FOXR1: variants seen among roughly 807,000 people sequenced by gnomAD.
FOXR1 encodes forkhead box R1, also known as forkhead box protein R1.
FOXR1 carries 25 observed loss-of-function variants against 34.5 expected under a neutral mutation model. The ratio of observed to expected loss-of-function variants is 0.72; its 90% CI spans 0.53 to 1.01. FOXR1 has a LOEUF of 1.01. Among genes scored for constraint, FOXR1 ranks in the 50% least tolerant of loss-of-function variants. The probability of loss-of-function intolerance (pLI) is 0.00; values close to 1 mark genes in which losing one functional copy is unlikely to be tolerated. For synonymous variants in FOXR1, 153 were observed against 141.6 expected (o/e 1.08, Z -0.57); for missense variants, 373 against 376.2 (o/e 0.99, Z 0.07).
chr11:118,972,139 C>CG (rs1295660295), intron 1 of FOXR1, 147 bp downstream of exon 1: 4 of 705,224 alleles, frequency 5.7e-6, no homozygotes, highest in South Asian at 1.9e-5. Context: ...GCCCCCCCCC[C>CG]CCGACGGCTT....
chr11:118,974,423 T>C lies in FOXR1; in HGVS notation c.61+2431T>C, dbSNP rs150060098. Reference sequence around the variant, plus strand: ...TCTCCCTATGTTGCCCAGGCTGGTCTTGAACTCCTGGACTCGAGCAATCCT... The same window carrying C: ...TCTCCCTATGTTGCCCAGGCTGGTCCTGAACTCCTGGACTCGAGCAATCCT... On this transcript the variant is annotated intron_variant, in intron 1 of 5. Transcript: ENST00000317011. Among the ~76,000 whole-genome samples the C allele has an allele frequency of 5.1e-4, 77 of 152,302 alleles. 1 individual carries two copies. The highest frequency in any genetic ancestry group is 4.3e-4 in the Non-Finnish European group (29 of 68,026).
Position 118,978,860 on chromosome 11 carries a change from C to G in FOXR1, c.136+4C>G. On this transcript the variant is annotated splice_donor_region_variant and intron_variant, in intron 2 of 5. Coordinates refer to ENST00000317011, the MANE Select transcript of FOXR1 (RefSeq NM_181721.3). ...AAACCCAACCCTGATAAGGATGGTACGTATTGAGTTCTCTGACCTGTTTCT... is the reference window on the plus strand; with the variant it reads ...AAACCCAACCCTGATAAGGATGGTAGGTATTGAGTTCTCTGACCTGTTTCT... 1 of 1,614,190 alleles carries G rather than the reference C, an allele frequency of 6.2e-7. No individual in the cohort carries two copies. Among genetic ancestry groups the G allele is most frequent in the African/African-American group, 1.3e-5 (1 of 75,042 alleles).
At chr11:118,977,662 A>G (rs1941796088) in intron 1 of FOXR1, among the ~76,000 whole-genome samples, 1 of 152,160 alleles carries the variant, frequency 6.6e-6, no homozygotes, top group South Asian at 2.1e-4. Context: ...GAGCTCTCCG[A>G]TAAGTATATC....
At chr11:118,981,123 G>C in intron 5 of FOXR1, 85 bp from the exon 6 acceptor site, 1 of 1,355,296 alleles carries the variant, frequency 7.4e-7, no homozygotes. Flanking sequence ...GAAAGAAGCA[G>C]ATGACCTGCT....
chr11:118,973,253 A>G (rs1002034547), intron 1 of FOXR1, among the ~76,000 whole-genome samples: 1 of 152,182 alleles, frequency 6.6e-6, no homozygotes, highest in African/African-American at 2.4e-5. Flanking sequence ...AGAACAGACA[A>G]GGAACCTTAC....
chr11:118,980,805 G>C (rs1440178382), intron 5 of FOXR1, 77 bp downstream of exon 5: 1 of 1,379,620 alleles, frequency 7.2e-7, no homozygotes, highest in African/African-American at 1.4e-5. Flanking sequence ...GTGGAAGCCT[G>C]GGTCACACCG....
intron 1 of FOXR1, among the ~76,000 whole-genome samples, chr11:118,972,612 TC>T (rs1388532135): frequency 3.9e-5 from 3 of 77,834 alleles, no homozygotes; most frequent in Admixed American, 1.8e-4. Context: ...TTGGATTAAC[TC>T]TTTTTTTTTT....
At chr11:118,978,689 C>A in intron 1 of FOXR1, 93 bp from the exon 2 acceptor site, 1 of 1,360,258 alleles carries the variant, frequency 7.4e-7, no homozygotes, top group Non-Finnish European at 1.0e-6. Flanking sequence ...GGGCCCACAA[C>A]CTTCTCCCAG....
chr11:118,973,335 TG>T (rs1386580082), intron 1 of FOXR1, among the ~76,000 whole-genome samples: 2 of 151,976 alleles, frequency 1.3e-5, no homozygotes, highest in African/African-American at 2.4e-5. Context: ...TGCTATAAAG[TG>T]ATAATCTGCA....
chr11:118,979,969 A>C (rs1292026218), intron 4 of FOXR1, among the ~76,000 whole-genome samples: 1 of 152,136 alleles, frequency 6.6e-6, no homozygotes, highest in Non-Finnish European at 1.5e-5. Flanking sequence ...TCTGAAGATC[A>C]GCCAGTCTAA....
At chr11:118,973,638 C>T (rs770228772) in intron 1 of FOXR1, among the ~76,000 whole-genome samples, 25 of 151,438 alleles carry the variant, frequency 1.7e-4, no homozygotes, top group Admixed American at 2.6e-4. Context: ...GACCATGATC[C>T]GCCGTCTCAG....
At chr11:118,980,054 G>C (rs913786708) in intron 4 of FOXR1, among the ~76,000 whole-genome samples, 3 of 152,074 alleles carry the variant, frequency 2.0e-5, no homozygotes, top group African/African-American at 7.2e-5. Flanking sequence ...TGCACCCCCA[G>C]GGGTGCAGAG....
rs542176644 is a variant in FOXR1 at position 118,980,539 on chromosome 11, G to A, written c.661G>A (p.Val221Ile). 3 of 1,614,232 alleles carry A rather than the reference G, an allele frequency of 1.9e-6. No homozygotes were observed. Among genetic ancestry groups the A allele is most frequent in the Admixed American group, 1.7e-5 (1 of 60,022 alleles). ...RTAPEGWKNTVRHNLCFRDSF... is the reference protein window; with the variant it reads ...RTAPEGWKNTIRHNLCFRDSF... Reference sequence around the variant, plus strand: ...GGCCCCGGAAGGCTGGAAGAATACTGTCCGTCACAATCTCTGTTTTCGAGA... The same window carrying A: ...GGCCCCGGAAGGCTGGAAGAATACTATCCGTCACAATCTCTGTTTTCGAGA... The change falls in exon 5 of 6, where the codon GTC becomes ATC. Residue 221 changes from valine (V) to isoleucine (I), a missense_variant. Coordinates refer to ENST00000317011, the MANE Select transcript of FOXR1 (RefSeq NM_181721.3).
intron 1 of FOXR1, among the ~76,000 whole-genome samples, chr11:118,972,767 G>C (rs937578059): frequency 3.3e-5 from 5 of 151,922 alleles, no homozygotes; most frequent in Admixed American, 6.6e-5. Flanking sequence ...GGATTGCAGG[G>C]GTGCGCCACC....
At chr11:118,978,518 A>G (rs1198788027) in intron 1 of FOXR1, among the ~76,000 whole-genome samples, 1 of 152,226 alleles carries the variant, frequency 6.6e-6, no homozygotes, top group East Asian at 1.9e-4. Flanking sequence ...TGAGAGCTCT[A>G]CATTTTTTTA....
At chr11:118,980,359 T>A in intron 4 of FOXR1, 131 bp from the exon 5 acceptor site, 1 of 1,069,970 alleles carries the variant, frequency 9.3e-7, no homozygotes, top group Non-Finnish European at 1.4e-6. Context: ...AAAGAGCAAC[T>A]CCAGGCCAAC....
At chr11:118,979,349 A>G in intron 3 of FOXR1, 93 bp from the exon 4 acceptor site, 1 of 1,488,438 alleles carries the variant, frequency 6.7e-7, no homozygotes, top group Non-Finnish European at 9.0e-7. Flanking sequence ...GAGAAGCCCA[A>G]ATGGTGGCCT....
rs782251081 is a variant in FOXR1 at position 118,978,970 on chromosome 11, G to T, written c.150G>T (p.Glu50Asp). 2 of 1,606,364 alleles carry T rather than the reference G, an allele frequency of 1.2e-6. No individual in the cohort carries two copies. The highest frequency in any genetic ancestry group is 1.7e-6 in the Non-Finnish European group (2 of 1,175,200). Residue 50 changes from glutamate (E) to aspartate (D), a missense_variant, in exon 3 of 6, where the codon GAG (glutamate) becomes GAT (aspartate). By Grantham distance (45) the Glu-to-Asp change is conservative. Coordinates refer to ENST00000317011, the MANE Select transcript of FOXR1 (RefSeq NM_181721.3). ...TGTTCTGCACAGGTCCAGATTATGAGCCCAACCTCTGGATGTGGGTAAATC... is the reference window on the plus strand; with the variant it reads ...TGTTCTGCACAGGTCCAGATTATGATCCCAACCTCTGGATGTGGGTAAATC... ...PNPDKDGPDY[E>D]PNLWMWVNPN...
In FOXR1 at chr11:118,979,083, C is replaced by A; in HGVS notation, c.263C>A (p.Pro88Gln). 1 of 1,607,194 alleles carries A rather than the reference C, an allele frequency of 6.2e-7. No individual in the cohort carries two copies. The highest frequency in any genetic ancestry group is 8.5e-7 in the Non-Finnish European group (1 of 1,176,982). ...DLTSTLPSSQ[P>Q]PQKEEDASCS... is the part of the protein sequence containing the mutation. ...ACAAGCACACTCCCCTCCTCTCAGC[C>A]ACCCCAGAAGGAGGAAGATGCCAGC... is the stretch of plus-strand genomic sequence containing the variant. The change falls in exon 3 of 6, where the codon CCA becomes CAA. Residue 88 changes from proline (P) to glutamine (Q), a missense_variant. Transcript: ENST00000317011.
Sources: allele counts gnomAD v4.1 joint callset (sites outside exome capture counted in the v4.1 genomes callset), GRCh38; gene constraint gnomAD v4.1.1; transcripts MANE v1.5; gene names NCBI Gene and HGNC (gene_info 2026-07-23, HGNC 2026-07-21).